CGNL1: variants seen among roughly 807,000 people sequenced by gnomAD.
CGNL1 encodes cingulin like 1.
Under a neutral mutation model 141.2 loss-of-function variants are expected in CGNL1, and 132 were observed. The ratio of observed to expected loss-of-function variants is 0.93; its 90% confidence interval spans 0.81 to 1.08. CGNL1 has a LOEUF of 1.08. Ranked by LOEUF, CGNL1 falls within the 50% of genes least tolerant of loss-of-function variation. The probability of loss-of-function intolerance (pLI) is 0.00; values close to 1 mark genes in which losing one functional copy is unlikely to be tolerated. For synonymous variants in CGNL1, 690 were observed against 622.1 expected, an observed-to-expected ratio of 1.11 and a Z score of -1.63; for missense variants, 1,870 against 1,588.6, an observed-to-expected ratio of 1.18 and a Z score of -3.01.
chr15:57,506,515 C>T (rs958573493), intron 8 of CGNL1, among the ~76,000 whole-genome samples: 4 of 152,204 alleles, frequency 2.6e-5, no homozygotes, highest in Non-Finnish European at 4.4e-5. Context: ...GGCTGTGTTT[C>T]ATAGAAGCCC....
At chr15:57,514,444 C>T (rs542113120) in intron 8 of CGNL1, among the ~76,000 whole-genome samples, 1 of 152,160 alleles carries the variant, frequency 6.6e-6, no homozygotes, top group Admixed American at 6.5e-5. Context: ...ACCCACCGCA[C>T]CTGGCCCCAT....
chr15:57,503,857 C>G (rs1595773422), intron 8 of CGNL1, among the ~76,000 whole-genome samples: 1 of 152,240 alleles, frequency 6.6e-6, no homozygotes, highest in East Asian at 1.9e-4. Context: ...GACTGGCCCC[C>G]ATGATTCAAT....
chr15:57,503,004 G>C (rs1451256529), intron 8 of CGNL1, among the ~76,000 whole-genome samples: 1 of 152,196 alleles, frequency 6.6e-6, no homozygotes, highest in Non-Finnish European at 1.5e-5. Context: ...GTCAGTACCA[G>C]GCATAGCATT....
intron 1 of CGNL1, among the ~76,000 whole-genome samples, chr15:57,417,239 CTTTCT>C (rs2062858967): frequency 6.6e-6 from 1 of 151,820 alleles, no homozygotes; most frequent in Admixed American, 6.6e-5. Flanking sequence ...CTTTCCTTTC[CTTTCT>C]TTTCTTTCTT....
rs779110723 is a variant in CGNL1 at position 57,440,348 on chromosome 15, A to G, written c.1603-29A>G. 4 of 1,544,220 alleles carry G rather than the reference A, an allele frequency of 2.6e-6. No individual in the cohort carries two copies. The South Asian group carries it at 3.5e-5, about 14-fold the overall frequency. On this transcript the variant is annotated intron_variant, in intron 2 of 18. Transcript: ENST00000281282. ...GGAAGCCTCTGGGAACTTCATCCTC[A>G]TGGTCTAACAACAGGCCTTATGTTC...
chr15:57,547,268 C>G, intron 18 of CGNL1, 87 bp from the exon 19 acceptor site: 1 of 1,485,604 alleles, frequency 6.7e-7, no homozygotes, highest in Non-Finnish European at 9.2e-7. Flanking sequence ...GGTGCAGGGA[C>G]AGCAACCCAA....
chr15:57,509,324 C>A (rs1364727587), intron 8 of CGNL1, among the ~76,000 whole-genome samples: 1 of 152,222 alleles, frequency 6.6e-6, no homozygotes, highest in Non-Finnish European at 1.5e-5. Flanking sequence ...GCTGTTTTCA[C>A]TCATTCAGCA....
At chr15:57,482,665 A>G (rs1405519086) in intron 8 of CGNL1, among the ~76,000 whole-genome samples, 3 of 152,118 alleles carry the variant, frequency 2.0e-5, no homozygotes, top group African/African-American at 7.2e-5. Context: ...TACCAGTATC[A>G]CATAGTTTTG....
rs2063956556 is a variant in CGNL1 at position 57,497,421 on chromosome 15, T to G, written c.2404-19359T>G. On this transcript the variant is annotated intron_variant, in intron 8 of 18. Transcript: ENST00000281282. The stretch of plus-strand genomic sequence containing the variant: ...CAGGGTTCCTGTTGTGACAGCACAC[T>G]CCAGGAGAAGCGTCTGGCATGTGTC... Among the ~76,000 whole-genome samples, 4 of 152,206 alleles carry G rather than the reference T, an allele frequency of 2.6e-5. No homozygotes were observed. In the South Asian group the frequency reaches 8.3e-4, roughly 32 times the overall value.
At chr15:57,451,333 A>G (rs1382493686) in intron 4 of CGNL1, among the ~76,000 whole-genome samples, 167 bp from the exon 5 acceptor site, 1 of 152,232 alleles carries the variant, frequency 6.6e-6, no homozygotes, top group Non-Finnish European at 1.5e-5. Flanking sequence ...AACTCTGCCC[A>G]CCAAGTCAGG....
intron 4 of CGNL1, among the ~76,000 whole-genome samples, chr15:57,448,944 A>G (rs1405975400): frequency 1.3e-5 from 2 of 152,140 alleles, no homozygotes; most frequent in Non-Finnish European, 2.9e-5. Context: ...TTACTTACAG[A>G]TTACCTTGAT....
At chr15:57,537,942 C>T (rs1370723784) in intron 14 of CGNL1, among the ~76,000 whole-genome samples, 1 of 152,256 alleles carries the variant, frequency 6.6e-6, no homozygotes, top group Non-Finnish European at 1.5e-5. Context: ...ACTTTCCCAG[C>T]CTTGAGTTTA....
intron 9 of CGNL1, among the ~76,000 whole-genome samples, chr15:57,517,763 G>A (rs1280357): frequency 1.2e-3 from 180 of 152,266 alleles, no homozygotes; most frequent in African/African-American, 4.2e-3. Context: ...GACAGTTTGA[G>A]CCCATTCATA....
At chr15:57,384,796 G>A (rs1427421916) in intron 1 of CGNL1, among the ~76,000 whole-genome samples, 1 of 152,150 alleles carries the variant, frequency 6.6e-6, no homozygotes, top group African/African-American at 2.4e-5. Context: ...AAAGCTTTGT[G>A]GAAGAAGGAA....
chr15:57,490,034 C>G (rs1324639357), intron 8 of CGNL1, among the ~76,000 whole-genome samples: 1 of 152,100 alleles, frequency 6.6e-6, no homozygotes, highest in East Asian at 1.9e-4. Flanking sequence ...GTAACTTGGT[C>G]ACCTGGAGAG....
At position 57,438,822 on chromosome 15, in the gene CGNL1, G is replaced by A. The variant is rs754841837; in HGVS notation, c.823G>A (p.Val275Ile). The A allele has an allele frequency of 3.1e-6, 5 of 1,614,168 alleles. No homozygotes were observed. The highest frequency in any genetic ancestry group is 2.2e-5 in the South Asian group (2 of 91,076). Residue 275 changes from valine (V) to isoleucine (I), a missense_variant, in exon 2 of 19, where the codon GTT (valine) becomes ATT (isoleucine). Transcript: ENST00000281282. Reference protein sequence around the residue: ...HPETKKTRPDVLPFRRQDSAG... With the variant: ...HPETKKTRPDILPFRRQDSAG... ...TGAAACCAAGAAAACCAGGCCAGAT[G>A]TTCTTCCCTTCCGGCGACAGGATTC...
At chr15:57,461,022 G>A (rs1343389222) in intron 7 of CGNL1, among the ~76,000 whole-genome samples, 12 of 152,128 alleles carry the variant, frequency 7.9e-5, no homozygotes. Context: ...AACTGAGAAG[G>A]TCTGGGACAA....
At chr15:57,395,047 G>C (rs1045530698) in intron 1 of CGNL1, among the ~76,000 whole-genome samples, 5 of 152,226 alleles carry the variant, frequency 3.3e-5, no homozygotes, top group Admixed American at 2.6e-4. Context: ...GGAGGCGGAG[G>C]TTGCGGTGAG....
chr15:57,517,668 TGGCAGAAG>T (rs1175687974), intron 9 of CGNL1, among the ~76,000 whole-genome samples: 2 of 152,180 alleles, frequency 1.3e-5, no homozygotes, highest in Non-Finnish European at 2.9e-5. Context: ...TGGCATCACA[TGGCAGAAG>T]GGCAGAGGTG....
Sources: allele counts gnomAD v4.1 joint callset (sites outside exome capture counted in the v4.1 genomes callset), GRCh38; gene constraint gnomAD v4.1.1; transcripts MANE v1.5; gene names NCBI Gene and HGNC (gene_info 2026-07-23, HGNC 2026-07-21).